Variants in RCAN2 observed in about 807,000 individuals in gnomAD.
RCAN2 encodes the protein calcipressin-2.
A neutral mutation model predicts 23.6 loss-of-function variants in RCAN2; 9 were observed. The observed-to-expected ratio is 0.38, with a 90% CI of 0.23 to 0.67. The LOEUF (loss-of-function observed/expected upper bound fraction) is 0.67. RCAN2 is among the 30% of genes least tolerant of loss of function. The pLI is 0.51. For synonymous variants in RCAN2, 109 were observed against 115.7 expected, an observed-to-expected ratio of 0.94 and a Z score of 0.37; for missense variants, 273 against 302.3, an observed-to-expected ratio of 0.90 and a Z score of 0.72.
chr6:46,385,894 A>G (rs2150395714), intron 2 of RCAN2, among the ~76,000 whole-genome samples: 1 of 150,766 alleles, frequency 6.6e-6, no homozygotes, highest in South Asian at 2.1e-4. Flanking sequence ...AGACTTAAAT[A>G]TAAAACCCAA....
chr6:46,266,625 C>T (rs1767338750), intron 2 of RCAN2, among the ~76,000 whole-genome samples: 1 of 152,206 alleles, frequency 6.6e-6, no homozygotes, highest in African/African-American at 2.4e-5. Flanking sequence ...TGAAGCAGTA[C>T]ATCCATGAGA....
intron 2 of RCAN2, among the ~76,000 whole-genome samples, chr6:46,414,586 C>T (rs1202403433): frequency 6.6e-6 from 1 of 152,140 alleles, no homozygotes; most frequent in East Asian, 1.9e-4. Context: ...AAGCATATTA[C>T]CCTCCATATG....
At chr6:46,435,484 T>C (rs1000296789) in intron 2 of RCAN2, among the ~76,000 whole-genome samples, 5 of 152,238 alleles carry the variant, frequency 3.3e-5, no homozygotes, top group Non-Finnish European at 4.4e-5. Flanking sequence ...AGGGCTCTGT[T>C]CTCATTTACC....
chr6:46,385,066 T>C (rs1369264495), intron 2 of RCAN2, among the ~76,000 whole-genome samples: 1 of 152,236 alleles, frequency 6.6e-6, no homozygotes, highest in African/African-American at 2.4e-5. Context: ...CTGTTTACTT[T>C]GCATATGTTT....
rs577280575 is a variant in RCAN2 at position 46,263,064 on chromosome 6, G to T, written c.226-14168C>A. 3.3e-5 allele frequency among the ~76,000 whole-genome samples: 5 copies of T among 152,286 alleles called. No individual in the cohort carries two copies. The South Asian group carries it at 1.0e-3, about 32-fold the overall frequency. On this transcript the variant is annotated intron_variant, in intron 2 of 4. Transcript: ENST00000371374. ...CAAGGGCAGTAATGGTGTCATTTTT[G>T]TGTTTTGCTCACATATTCACTATTG... is the stretch of plus-strand genomic sequence containing the variant.
At chr6:46,237,591 C>A (rs894184366) in intron 4 of RCAN2, among the ~76,000 whole-genome samples, 5 of 152,140 alleles carry the variant, frequency 3.3e-5, no homozygotes, top group Non-Finnish European at 7.4e-5. Context: ...CAATCCTGGG[C>A]AGGCTTTAAT....
chr6:46,455,638 C>T (rs545948864), intron 2 of RCAN2, among the ~76,000 whole-genome samples: 170 of 151,678 alleles, frequency 1.1e-3, no homozygotes, highest in Non-Finnish European at 1.4e-3. Context: ...AGGCAGATTA[C>T]GAGGTCAGGA....
chr6:46,425,048 T>A (rs920496126), intron 2 of RCAN2, among the ~76,000 whole-genome samples: 5 of 152,190 alleles, frequency 3.3e-5, no homozygotes, highest in African/African-American at 1.2e-4. Flanking sequence ...TCCTCAGGCA[T>A]GCATGTGGTC....
intron 2 of RCAN2, among the ~76,000 whole-genome samples, chr6:46,280,496 C>G (rs936642253): frequency 6.6e-6 from 1 of 151,994 alleles, no homozygotes; most frequent in African/African-American, 2.4e-5. Flanking sequence ...CACACACACA[C>G]AAAAGCACAC....
intron 4 of RCAN2, among the ~76,000 whole-genome samples, chr6:46,232,078 A>G (rs370672012): frequency 6.6e-6 from 1 of 152,238 alleles, no homozygotes; most frequent in African/African-American, 2.4e-5. Context: ...AGTCTGATAC[A>G]GAAGAAGACA....
rs1031513613 is a variant in RCAN2 at position 46,469,427 on chromosome 6, G to T, written c.-2-12449C>A. Among the ~76,000 whole-genome samples, 17 of 152,192 alleles carry T rather than the reference G, an allele frequency of 1.1e-4. 1 individual carries two copies. The highest frequency in any genetic ancestry group is 1.0e-3 in the Admixed American group (16 of 15,284). On this transcript the variant is annotated intron_variant, in intron 1 of 4. Coordinates refer to ENST00000371374, the MANE Select transcript of RCAN2 (RefSeq NM_001251974.2). ...CACCCCCTCCAGCAGCTGATCAGTG[G>T]CTAGGGCTCGTGGAGGATGGAACCA...
chr6:46,252,893 A>G (rs1283611645), intron 2 of RCAN2, among the ~76,000 whole-genome samples: 1 of 152,206 alleles, frequency 6.6e-6, no homozygotes, highest in Non-Finnish European at 1.5e-5. Flanking sequence ...AATAATTGTG[A>G]GTATTCTTCA....
At chr6:46,358,075 CG>C (rs1445994487) in intron 2 of RCAN2, among the ~76,000 whole-genome samples, 6 of 152,192 alleles carry the variant, frequency 3.9e-5, no homozygotes, top group Admixed American at 2.0e-4. Flanking sequence ...GAGGTACAGA[CG>C]GAAAATTCAA....
At chr6:46,256,229 GCGTGGTGGCA>G (rs1246317843) in intron 2 of RCAN2, among the ~76,000 whole-genome samples, 1 of 152,008 alleles carries the variant, frequency 6.6e-6, no homozygotes, top group Non-Finnish European at 1.5e-5. Flanking sequence ...AATTAGCTGG[GCGTGGTGGCA>G]CATGCCTGCA....
chr6:46,490,565 C>A (rs1171308549), intron 1 of RCAN2, among the ~76,000 whole-genome samples: 1 of 152,128 alleles, frequency 6.6e-6, no homozygotes, highest in Non-Finnish European at 1.5e-5. Context: ...GCGAAGCATC[C>A]CACAGGCAGG....
chr6:46,416,410 T>C lies in RCAN2; in HGVS notation c.225+40342A>G, dbSNP rs894377284. ...CTTCCTCAATAAGTTTAACATCCTT[T>C]AAAGTTTCATTTTTAATATAAAAAT... is the stretch of plus-strand genomic sequence containing the variant. On this transcript the variant is annotated intron_variant, in intron 2 of 4. Transcript: ENST00000371374. 6.0e-5 allele frequency among the ~76,000 whole-genome samples: 9 copies of C among 150,012 alleles called. 1 individual carries two copies. Among genetic ancestry groups the C allele is most frequent in the Non-Finnish European group, 1.3e-4 (9 of 67,674 alleles).
intron 1 of RCAN2, among the ~76,000 whole-genome samples, chr6:46,480,076 C>T (rs1420571744): frequency 3.3e-5 from 5 of 152,178 alleles, no homozygotes; most frequent in Non-Finnish European, 7.3e-5. Context: ...CAGTATTATT[C>T]ATTATAAAGC....
rs1157775373 is a variant in RCAN2, at chr6:46,248,659, C to T, written c.399+64G>A. 46 of 1,329,602 alleles carry T rather than the reference C, an allele frequency of 3.5e-5. No homozygotes were observed. In the East Asian group the frequency reaches 1.1e-3, roughly 32 times the overall value. 82.4% of individuals were successfully genotyped at this position (1,329,602 alleles called of 1,614,324 possible). Reference sequence around the variant, plus strand: ...CTGAAAATAGAAAGGGCTTCATTTACATTTTAAAATGGTAAAAAATAATGT... The same window carrying T: ...CTGAAAATAGAAAGGGCTTCATTTATATTTTAAAATGGTAAAAAATAATGT... On this transcript the variant is annotated intron_variant, in intron 3 of 4. Coordinates refer to ENST00000371374, the MANE Select transcript of RCAN2 (RefSeq NM_001251974.2).
At chr6:46,353,155 G>A (rs1431088930) in intron 2 of RCAN2, among the ~76,000 whole-genome samples, 1 of 152,160 alleles carries the variant, frequency 6.6e-6, no homozygotes, top group East Asian at 1.9e-4. Flanking sequence ...TGGGTTTTTA[G>A]TATGGTAATG....
Sources: allele counts gnomAD v4.1 joint callset (sites outside exome capture counted in the v4.1 genomes callset), GRCh38; gene constraint gnomAD v4.1.1; transcripts MANE v1.5; gene names NCBI Gene and HGNC (gene_info 2026-07-23, HGNC 2026-07-21).